NT5DC1: variants seen among roughly 807,000 people sequenced by gnomAD.
NT5DC1 encodes 5'-nucleotidase domain containing 1.
NT5DC1 carries 42 observed loss-of-function variants against 59.4 expected under a neutral mutation model. The observed-to-expected ratio is 0.71, with a 90% CI of 0.55 to 0.92. The LOEUF is 0.92. NT5DC1 is among the 40% of genes least tolerant of loss of function. The probability of loss-of-function intolerance (pLI) is 0.00; values close to 1 mark genes in which losing one functional copy is unlikely to be tolerated. For missense variants in NT5DC1, 501 were observed against 537.1 expected (o/e 0.93, Z 0.66); for synonymous variants, 172 against 188.1 (o/e 0.91, Z 0.70).
chr6:116,204,821 T>G (rs1781417628), intron 6 of NT5DC1, among the ~76,000 whole-genome samples: 1 of 151,986 alleles, frequency 6.6e-6, no homozygotes, highest in Non-Finnish European at 1.5e-5. Context: ...AGTAGAACAA[T>G]GAATAGTGTG....
intron 6 of NT5DC1, among the ~76,000 whole-genome samples, chr6:116,171,941 A>C (rs1378354029): frequency 6.6e-6 from 1 of 152,196 alleles, no homozygotes; most frequent in Admixed American, 6.5e-5. Flanking sequence ...TGCTTTGCTT[A>C]GTGGATAGGA....
intron 6 of NT5DC1, among the ~76,000 whole-genome samples, chr6:116,160,769 G>A (rs1280937555): frequency 2.0e-5 from 3 of 152,152 alleles, no homozygotes; most frequent in Admixed American, 6.5e-5. Context: ...TTACATTGAA[G>A]CCTTTAATCT....
intron 6 of NT5DC1, among the ~76,000 whole-genome samples, chr6:116,208,529 G>A (rs17077677): frequency 0.025 from 3,754 of 152,092 alleles, 143 homozygotes; most frequent in African/African-American, 0.085. Flanking sequence ...AATTTGTAAG[G>A]CTGTACTTAG....
chr6:116,241,464 ATTAAAC>A (rs994088832), intron 11 of NT5DC1, among the ~76,000 whole-genome samples: 29 of 152,240 alleles, frequency 1.9e-4, no homozygotes, highest in Non-Finnish European at 3.8e-4. Flanking sequence ...ACATGCTAGA[ATTAAAC>A]AATTAAGGAT....
rs1296319650 is a variant in NT5DC1, at chr6:116,245,151, G to A, written c.*1127G>A. On this transcript the variant is annotated 3_prime_UTR_variant, in exon 12 of 12. Transcript: ENST00000319550. Reference sequence around the variant, plus strand: ...CAGGCATGCTACAATCCAGGACTGTGGTGTTCTATGTGCCGTGTATGGTCA... The same window carrying A: ...CAGGCATGCTACAATCCAGGACTGTAGTGTTCTATGTGCCGTGTATGGTCA... 1 of 152,152 alleles carries A rather than the reference G, an allele frequency of 6.6e-6. No homozygotes were observed. The highest frequency in any genetic ancestry group is 1.5e-5 in the Non-Finnish European group (1 of 68,022). The allele number at this position is 152,152 out of a possible 1,614,324, so 9.4% of individuals were successfully genotyped here.
chr6:116,226,529 A>C (rs1781912624), intron 8 of NT5DC1, among the ~76,000 whole-genome samples: 2 of 152,052 alleles, frequency 1.3e-5, no homozygotes, highest in African/African-American at 2.4e-5. Context: ...TGGAGTTTTT[A>C]AAAAACGATT....
chr6:116,155,752 T>TAAA (rs58270869), intron 6 of NT5DC1, among the ~76,000 whole-genome samples: 2 of 114,612 alleles, frequency 1.7e-5, no homozygotes, highest in Non-Finnish European at 1.9e-5. Context: ...TACTTCTCCT[T>TAAA]AAAAAAAAAA....
intron 7 of NT5DC1, 56 bp from the exon 8 acceptor site, chr6:116,222,978 A>T (rs1394544092): frequency 1.1e-6 from 1 of 904,418 alleles, no homozygotes; most frequent in South Asian, 1.4e-5. Context: ...GTTCTGTTTT[A>T]TATGGACCTT....
chr6:116,114,948 GTGCTA>G (rs768839109), intron 4 of NT5DC1, among the ~76,000 whole-genome samples: 2 of 152,188 alleles, frequency 1.3e-5, no homozygotes, highest in Non-Finnish European at 2.9e-5. Context: ...AGGTGGGATG[GTGCTA>G]TTAGCATAGC....
At chr6:116,149,760 T>G (rs1238917001) in intron 6 of NT5DC1, among the ~76,000 whole-genome samples, 1 of 152,130 alleles carries the variant, frequency 6.6e-6, no homozygotes, top group Non-Finnish European at 1.5e-5. Flanking sequence ...ATAAAATAAG[T>G]GGTGAAAGAG....
intron 6 of NT5DC1, among the ~76,000 whole-genome samples, chr6:116,158,119 A>G (rs1780242835): frequency 6.6e-6 from 1 of 152,236 alleles, no homozygotes; most frequent in Non-Finnish European, 1.5e-5. Context: ...TTCAATAGCT[A>G]TTAATATAAT....
chr6:116,243,948 G>A lies in NT5DC1; in HGVS notation c.1292G>A (p.Ser431Asn). The A allele has an allele frequency of 6.3e-7, 1 of 1,577,292 alleles. No individual in the cohort carries two copies. The highest frequency in any genetic ancestry group is 8.7e-7 in the Non-Finnish European group (1 of 1,151,582). Residue 431 changes from serine (S) to asparagine (N), a missense_variant, in exon 12 of 12, where the codon AGC (serine) becomes AAC (asparagine). Physicochemically the swap from Ser to Asn is conservative, Grantham distance 46. Coordinates refer to ENST00000319550, the MANE Select transcript of NT5DC1 (RefSeq NM_152729.3). ...TACAAATTTACAAGATTCTCTTCAA[G>A]CAATTCAAAAACAGCTGGCTACTAT... ...LDYKFTRFSS[S>N]NSKTAGYYPN...
chr6:116,221,015 T>C (rs1781787814), intron 6 of NT5DC1, 39 bp from the exon 7 acceptor site: 1 of 997,790 alleles, frequency 1.0e-6, no homozygotes, highest in Non-Finnish European at 1.5e-6. Context: ...TCAAAAAATG[T>C]TTAAAAAGAA....
rs1324763252 is a variant in NT5DC1, at chr6:116,244,293, G to A, written c.*269G>A. On this transcript the variant is annotated 3_prime_UTR_variant, in exon 12 of 12. Transcript: ENST00000319550. ...TTCACCTGGGGACACACACTCACAC[G>A]CACAGTCACTCTTACACATATGCCT... 1 of 235,294 alleles carries A rather than the reference G, an allele frequency of 4.2e-6. No individual in the cohort carries two copies. Among genetic ancestry groups the A allele is most frequent in the Non-Finnish European group, 8.3e-6 (1 of 120,526 alleles). 14.6% of individuals were successfully genotyped at this position (235,294 alleles called of 1,614,324 possible). A position where few individuals can be genotyped will look rare whatever the true frequency, so the allele number is the denominator to read the frequency against.
intron 8 of NT5DC1, among the ~76,000 whole-genome samples, chr6:116,232,758 CA>C (rs1310374664): frequency 6.6e-6 from 1 of 152,070 alleles, no homozygotes; most frequent in Non-Finnish European, 1.5e-5. Context: ...ATTATACTGT[CA>C]AAAACTTTAC....
At chr6:116,127,679 G>T (rs1346486879) in intron 6 of NT5DC1, among the ~76,000 whole-genome samples, 1 of 152,014 alleles carries the variant, frequency 6.6e-6, no homozygotes, top group Admixed American at 6.6e-5. Flanking sequence ...ATGCTAGGTT[G>T]AATTTGTTTT....
chr6:116,141,240 T>C lies in NT5DC1; in HGVS notation c.529+23295T>C, dbSNP rs182809012. Among the ~76,000 whole-genome samples, 95 of 152,064 alleles carry C rather than the reference T, an allele frequency of 6.2e-4. No homozygotes were observed. The Middle Eastern group carries it at 0.01, about 16-fold the overall frequency. On this transcript the variant is annotated intron_variant, in intron 6 of 11. Transcript: ENST00000319550. ...TACTCCTCTCTCAAATACCTGATTGTACCTTTGCCTACTTTTTATCAGATT... is the reference window on the plus strand; with the variant it reads ...TACTCCTCTCTCAAATACCTGATTGCACCTTTGCCTACTTTTTATCAGATT...
chr6:116,158,350 C>T (rs957909791), intron 6 of NT5DC1, among the ~76,000 whole-genome samples: 5 of 151,840 alleles, frequency 3.3e-5, no homozygotes, highest in African/African-American at 1.2e-4. Context: ...ATCTCCTACT[C>T]AAGCTTCTCT....
chr6:116,190,494 C>A (rs1781094033), intron 6 of NT5DC1, among the ~76,000 whole-genome samples: 4 of 151,912 alleles, frequency 2.6e-5, no homozygotes, highest in Non-Finnish European at 5.9e-5. Context: ...GCAGTGGTAT[C>A]TGGAGAAAAC....
Sources: allele counts gnomAD v4.1 joint callset (sites outside exome capture counted in the v4.1 genomes callset), GRCh38; gene constraint gnomAD v4.1.1; transcripts MANE v1.5; gene names NCBI Gene and HGNC (gene_info 2026-07-23, HGNC 2026-07-21).